ARHGEF10: variants seen among roughly 807,000 people sequenced by gnomAD.
ARHGEF10 encodes Rho guanine nucleotide exchange factor 10.
Under a neutral mutation model 147.4 loss-of-function variants are expected in ARHGEF10, and 140 were observed. The observed-to-expected ratio is 0.95, with a 90% CI of 0.83 to 1.09. The LOEUF is 1.09. Among genes scored for constraint, ARHGEF10 ranks in the 50% least tolerant of loss-of-function variants. ARHGEF10 has a pLI of 0.00. For missense variants in ARHGEF10, 2,222 were observed against 1,752.7 expected (o/e 1.27, Z -4.78); for synonymous variants, 902 against 695.8 (o/e 1.30, Z -4.67).
chr8:1,870,097 G>T (rs946687446), intron 7 of ARHGEF10: 1 of 152,278 alleles, frequency 6.6e-6, no homozygotes, highest in African/African-American at 2.4e-5. Context: ...GCTCAAGACA[G>T]CGCTGATAGT....
chr8:1,907,677 T>G (rs1031910488), intron 17 of ARHGEF10, among the ~76,000 whole-genome samples: 1 of 152,214 alleles, frequency 6.6e-6, no homozygotes, highest in Non-Finnish European at 1.5e-5. Flanking sequence ...AACTCAGCTG[T>G]GCTTACTGCT....
Position 1,860,154 on chromosome 8 carries a change from A to T in ARHGEF10, c.451A>T (p.Ile151Phe). 6.2e-7 allele frequency: 1 copy of T among 1,613,622 alleles called. No homozygotes were observed. The change falls in exon 4 of 29, where the codon ATC becomes TTC. Residue 151 changes from isoleucine (I) to phenylalanine (F), a missense_variant. By Grantham distance (21) the Ile-to-Phe change is conservative (BLOSUM62 0). Coordinates refer to ENST00000349830, the MANE Select transcript of ARHGEF10 (RefSeq NM_014629.4). ...GCTGCCCGCCTACTCCAGCCCGGTC[A>T]TCATCTGCGCCACGTCCCTGGACGA... ...LLLPAYSSPVIICATSLDEEE... is the reference protein window; with the variant it reads ...LLLPAYSSPVFICATSLDEEE...
At chr8:1,920,410 C>A (rs1812193789) in intron 18 of ARHGEF10, among the ~76,000 whole-genome samples, 2 of 152,120 alleles carry the variant, frequency 1.3e-5, no homozygotes, top group Non-Finnish European at 2.9e-5. Flanking sequence ...GCAGCCTTGA[C>A]TTCCTTGGCT....
intron 17 of ARHGEF10, 47 bp from the exon 18 acceptor site, chr8:1,909,248 G>T (rs202116348): frequency 6.2e-7 from 1 of 1,608,202 alleles, no homozygotes; most frequent in Admixed American, 1.7e-5. Flanking sequence ...TTACCATAAC[G>T]TGTTCATGTA....
intron 7 of ARHGEF10, among the ~76,000 whole-genome samples, chr8:1,873,433 A>C (rs55670556): frequency 0.17 from 16,587 of 100,074 alleles, 1,497 homozygotes; most frequent in African/African-American, 0.25. Context: ...CATTGAGAGG[A>C]GCCCGCGGGG....
At chr8:1,825,742 C>T (rs1407066895) in intron 1 of ARHGEF10, among the ~76,000 whole-genome samples, 1 of 152,130 alleles carries the variant, frequency 6.6e-6, no homozygotes, top group African/African-American at 2.4e-5. Flanking sequence ...TGATTCCAGT[C>T]ACTAACTTTG....
At chr8:1,924,977 A>G (rs927884386) in intron 21 of ARHGEF10, among the ~76,000 whole-genome samples, 6 of 152,242 alleles carry the variant, frequency 3.9e-5, no homozygotes, top group Admixed American at 3.3e-4. Context: ...GATAAAGGGA[A>G]GTGGACCTAT....
chr8:1,858,751 C>G (rs1409943217), intron 3 of ARHGEF10: 1 of 137,786 alleles, frequency 7.3e-6, no homozygotes, highest in Admixed American at 7.7e-5. Context: ...CACGGTGTTT[C>G]TTCAGGTGTA....
intron 7 of ARHGEF10, chr8:1,870,609 A>T (rs1807029829): frequency 6.6e-6 from 1 of 152,248 alleles, no homozygotes; most frequent in African/African-American, 2.4e-5. Flanking sequence ...TGTCAGTATA[A>T]CTATAATAAT....
intron 26 of ARHGEF10, among the ~76,000 whole-genome samples, chr8:1,942,022 A>C (rs1426684020): frequency 6.6e-6 from 1 of 152,078 alleles, no homozygotes; most frequent in Non-Finnish European, 1.5e-5. Flanking sequence ...CTTAAAAGAA[A>C]TTATAGGGGT....
intron 18 of ARHGEF10, among the ~76,000 whole-genome samples, chr8:1,914,389 G>C (rs1811599300): frequency 6.6e-6 from 1 of 152,240 alleles, no homozygotes; most frequent in Non-Finnish European, 1.5e-5. Context: ...GGGACCCCAG[G>C]AGTGACGGGT....
chr8:1,834,163 G>A (rs540593965), intron 1 of ARHGEF10, among the ~76,000 whole-genome samples: 1 of 152,350 alleles, frequency 6.6e-6, no homozygotes, highest in South Asian at 2.1e-4. Flanking sequence ...GCCGGTCCGG[G>A]GCTGCTTGTC....
intron 15 of ARHGEF10, among the ~76,000 whole-genome samples, chr8:1,899,745 T>G (rs1363247524): frequency 6.6e-6 from 1 of 152,194 alleles, no homozygotes; most frequent in Non-Finnish European, 1.5e-5. Flanking sequence ...TTTATTTCTT[T>G]AGCTGACAAA....
chr8:1,946,612 G>A (rs992612521), intron 27 of ARHGEF10, among the ~76,000 whole-genome samples: 3 of 152,164 alleles, frequency 2.0e-5, no homozygotes, highest in East Asian at 1.9e-4. Context: ...CCCTAATCAC[G>A]TCCCCAAAGC....
rs758044524 is a variant in ARHGEF10, at chr8:1,945,556, G to A, written c.3298G>A (p.Ala1100Thr). The A allele has an allele frequency of 1.4e-5, 22 of 1,614,128 alleles. No individual in the cohort carries two copies. Among genetic ancestry groups the A allele is most frequent in the Non-Finnish European group, 1.7e-5 (20 of 1,180,054 alleles). Residue 1100 changes from alanine to threonine, a missense_variant, in exon 27 of 29, where the codon GCC becomes ACC. Ala to Thr is a moderately conservative substitution (Grantham distance 58). Transcript: ENST00000349830. ...MAVSGVGIWIAFTSGSTLRLF... is the reference protein window; with the variant it reads ...MAVSGVGIWITFTSGSTLRLF... ...CGTGTCCGGCGTCGGGATCTGGATT[G>A]CCTTCACCTCAGGGTCCACGCTCCG...
chr8:1,829,154 G>C (rs1246183720), intron 1 of ARHGEF10, among the ~76,000 whole-genome samples: 1 of 152,252 alleles, frequency 6.6e-6, no homozygotes, highest in Non-Finnish European at 1.5e-5. Flanking sequence ...TGTCGGGCCT[G>C]AGCTGAGTCG....
At chr8:1,911,248 A>G (rs369510076) in intron 18 of ARHGEF10, among the ~76,000 whole-genome samples, 2 of 152,206 alleles carry the variant, frequency 1.3e-5, no homozygotes, top group South Asian at 2.1e-4. Context: ...TTTGAAACAC[A>G]CTTGAAAACG....
chr8:1,920,023 A>G (rs917203247), intron 18 of ARHGEF10, among the ~76,000 whole-genome samples: 94 of 86,410 alleles, frequency 1.1e-3, no homozygotes, highest in East Asian at 3.0e-3. Context: ...TGGATGATGG[A>G]GCTGTTCTAT....
Position 1,826,903 on chromosome 8 carries a change from T to C in ARHGEF10, c.-48+2790T>C, listed in dbSNP as rs577060990. ...GGGAAGCGTAGCTGTTAGTCATTCA[T>C]GAGGGAGAACTTCAGCTCTCTCCCT... On this transcript the variant is annotated intron_variant, in intron 1 of 28. Coordinates refer to ENST00000349830, the MANE Select transcript of ARHGEF10 (RefSeq NM_014629.4). 4.0e-4 allele frequency among the ~76,000 whole-genome samples: 61 copies of C among 152,346 alleles called. 1 individual carries two copies. The highest frequency in any genetic ancestry group is 5.6e-4 in the Non-Finnish European group (38 of 68,030).
Sources: allele counts gnomAD v4.1 joint callset (sites outside exome capture counted in the v4.1 genomes callset), GRCh38; gene constraint gnomAD v4.1.1; transcripts MANE v1.5; gene names NCBI Gene and HGNC (gene_info 2026-07-23, HGNC 2026-07-21).